PCDH11X: variants seen among roughly 807,000 people sequenced by gnomAD.
PCDH11X encodes the protein protocadherin-11 X-linked.
In PCDH11X, 18 loss-of-function variants were observed where a neutral mutation model predicts 53.3. That is an observed-to-expected ratio of 0.34 (90% CI 0.23 to 0.50). The LOEUF is 0.50. Ranked by LOEUF, PCDH11X falls within the 20% of genes least tolerant of loss-of-function variation. The pLI is 0.98. For missense variants in PCDH11X, 570 were observed against 1,032.4 expected, an observed-to-expected ratio of 0.55 and a Z score of 6.14; for synonymous variants, 279 against 393.3, an observed-to-expected ratio of 0.71 and a Z score of 3.44.
chrX:92,188,341 ATT>A (rs934295338), intron 6 of PCDH11X, among the ~76,000 whole-genome samples: 5 of 111,817 alleles, frequency 4.5e-5, no homozygotes, highest in African/African-American at 1.6e-4. Flanking sequence ...ATAATAAGGC[ATT>A]GACACTGAGG....
intron 6 of PCDH11X, among the ~76,000 whole-genome samples, chrX:91,927,821 T>C (rs1941997797): frequency 9.0e-6 from 1 of 111,063 alleles, no homozygotes; most frequent in African/African-American, 3.3e-5. Flanking sequence ...GCAGAATTTG[T>C]TTCCAGCTTC....
chrX:92,089,364 T>A (rs1003455841), intron 6 of PCDH11X, among the ~76,000 whole-genome samples: 3 of 111,610 alleles, frequency 2.7e-5, no homozygotes, highest in African/African-American at 9.7e-5. Context: ...TAGTCATATA[T>A]AATTATATGC....
At chrX:92,272,444 A>G (rs1441986903) in intron 8 of PCDH11X, among the ~76,000 whole-genome samples, 1 of 111,879 alleles carries the variant, frequency 8.9e-6, no homozygotes, top group Admixed American at 9.5e-5. Context: ...GCATTTTACC[A>G]AAGGATTTTA....
chrX:91,853,410 C>CT (rs1279834860), intron 5 of PCDH11X, among the ~76,000 whole-genome samples: 3 of 108,050 alleles, frequency 2.8e-5, no homozygotes, highest in Admixed American at 9.9e-5. Flanking sequence ...TTTTGCCAAC[C>CT]TAATTTCAAA....
rs191251233 is a variant in PCDH11X, at chrX:92,540,692, G to C, written c.3367+72370G>C. 5.2e-3 allele frequency among the ~76,000 whole-genome samples: 559 copies of C among 106,612 alleles called. 5 individuals are homozygous for C. Among genetic ancestry groups the C allele is most frequent in the Non-Finnish European group, 9.5e-3 (494 of 51,903 alleles). The allele number at this position is 106,612 out of a possible 115,157, so 92.6% of individuals were successfully genotyped here. A position where few individuals can be genotyped will look rare whatever the true frequency, so the allele number is the denominator to read the frequency against. ...TCACACTTGAAGTCAGTACATCTCA[G>C]AGCCCGAGGCCCATGGAGTACTCCC... is the stretch of plus-strand genomic sequence containing the variant. On this transcript the variant is annotated intron_variant, in intron 10 of 10. Transcript: ENST00000682573.
intron 6 of PCDH11X, among the ~76,000 whole-genome samples, chrX:92,173,984 CAAAAAA>C (rs145379428): frequency 3.4e-5 from 1 of 29,559 alleles, no homozygotes; most frequent in Non-Finnish European, 5.5e-5. Flanking sequence ...GACCCAGTCT[CAAAAAA>C]AAAAAAAAAA....
At chrX:92,380,669 T>C (rs1338812388) in intron 8 of PCDH11X, among the ~76,000 whole-genome samples, 2 of 111,476 alleles carry the variant, frequency 1.8e-5, no homozygotes, top group African/African-American at 6.5e-5. Flanking sequence ...GTCCAAATAA[T>C]ATATTGGAGG....
intron 1 of PCDH11X, among the ~76,000 whole-genome samples, chrX:91,782,597 AG>A (rs1426415295): frequency 9.4e-6 from 1 of 106,731 alleles, no homozygotes; most frequent in Non-Finnish European, 1.9e-5. Flanking sequence ...GAGGTGGGGG[AG>A]GGTTTGTAAC....
chrX:92,549,610 CT>C, intron 10 of PCDH11X, among the ~76,000 whole-genome samples: 1 of 105,110 alleles, frequency 9.5e-6, no homozygotes, highest in East Asian at 3.0e-4. Context: ...TGAGTAGTGC[CT>C]TTTTTCCTGT....
At chrX:92,576,713 T>C (rs1923026777) in intron 10 of PCDH11X, among the ~76,000 whole-genome samples, 1 of 109,249 alleles carries the variant, frequency 9.2e-6, no homozygotes, top group South Asian at 3.9e-4. Flanking sequence ...AATGCCTTAA[T>C]TTTGTTTGCC....
At chrX:92,148,062 CTTTCTTTCTTTCTTTCTTTCTTT>C (rs1569389059) in intron 6 of PCDH11X, among the ~76,000 whole-genome samples, 278 of 7,946 alleles carry the variant, frequency 0.035, 8 homozygotes, top group Non-Finnish European at 0.037. Context: ...TCCTTCCTTT[CTTTCTTTCTTTCTTTCTTTCTTT>C]CTTTCTTTCT....
chrX:92,284,824 C>G (rs1480079958), intron 8 of PCDH11X, among the ~76,000 whole-genome samples: 1 of 111,828 alleles, frequency 8.9e-6, no homozygotes, highest in African/African-American at 3.3e-5. Flanking sequence ...TAAAAATGAG[C>G]TGGAACTCTA....
intron 8 of PCDH11X, among the ~76,000 whole-genome samples, chrX:92,354,074 G>A (rs1330675035): frequency 2.5e-5 from 2 of 78,542 alleles, no homozygotes; most frequent in Non-Finnish European, 4.7e-5. Flanking sequence ...AACAGCTATC[G>A]AATAATGGAA....
rs1483361633 is a variant in PCDH11X, at chrX:92,149,453, CTCTG to C, written c.3034-51920_3034-51917del. On this transcript the variant is annotated intron_variant, in intron 6 of 10. Coordinates refer to ENST00000682573, the MANE Select transcript of PCDH11X (RefSeq NM_032968.5). ...TCACTCTCTCTCTCTCTCTCTCTCT[CTCTG>C]TGTGTGTGTGTGTGTATATATGTGT... is the stretch of plus-strand genomic sequence containing the variant. 1.8e-4 allele frequency among the ~76,000 whole-genome samples: 16 copies of C among 88,843 alleles called. No homozygotes were observed. In the East Asian group the frequency reaches 3.7e-3, roughly 21 times the overall value. 77.1% of individuals were successfully genotyped at this position (88,843 alleles called of 115,157 possible).
chrX:92,605,078 A>G (rs981384144), intron 10 of PCDH11X, among the ~76,000 whole-genome samples: 1 of 106,758 alleles, frequency 9.4e-6, no homozygotes, highest in African/African-American at 3.5e-5. Context: ...AACTAGAACT[A>G]GCAGACATGT....
intron 8 of PCDH11X, among the ~76,000 whole-genome samples, chrX:92,359,535 G>C (rs2148537729): frequency 9.0e-6 from 1 of 110,728 alleles, no homozygotes; most frequent in South Asian, 3.8e-4. Flanking sequence ...AAAATTCAGT[G>C]AATCAAAAGC....
At chrX:91,795,383 C>A (rs1374996522) in intron 1 of PCDH11X, among the ~76,000 whole-genome samples, 5 of 110,519 alleles carry the variant, frequency 4.5e-5, no homozygotes, top group Non-Finnish European at 7.6e-5. Flanking sequence ...TGTCCTGTCA[C>A]ATCTTTCACC....
At chrX:92,080,686 T>TA (rs761528283) in intron 6 of PCDH11X, among the ~76,000 whole-genome samples, 13 of 108,280 alleles carry the variant, frequency 1.2e-4, no homozygotes, top group Non-Finnish European at 2.3e-4. Flanking sequence ...CAGAAGAAAA[T>TA]GATACAAGTT....
At chrX:91,827,294 A>G (rs1255777298) in intron 4 of PCDH11X, among the ~76,000 whole-genome samples, 1 of 110,851 alleles carries the variant, frequency 9.0e-6, no homozygotes, top group East Asian at 2.9e-4. Context: ...TCCTTTGCCT[A>G]CTTGTTCATG....
Sources: gnomAD v4.1 joint callset for allele counts (sites outside exome capture counted in the v4.1 genomes callset) on GRCh38, gnomAD v4.1.1 for gene constraint, MANE v1.5 for transcripts, NCBI Gene and HGNC (gene_info 2026-07-23, HGNC 2026-07-21) for gene names.